Variants in ASAP2 observed in about 807,000 individuals in gnomAD.
ASAP2 encodes ArfGAP with SH3 domain, ankyrin repeat and PH domain 2.
ASAP2 carries 45 observed loss-of-function variants against 131.4 expected under a neutral mutation model. The ratio of observed to expected loss-of-function variants is 0.34; its 90% CI spans 0.27 to 0.44. The LOEUF (loss-of-function observed/expected upper bound fraction) is 0.44. Ranked by LOEUF, ASAP2 falls within the 20% of genes least tolerant of loss-of-function variation. The pLI, the probability that ASAP2 is intolerant of heterozygous loss-of-function variation, is 1.00. For missense variants in ASAP2, 1,011 were observed against 1,297.0 expected (o/e 0.78, Z 3.39); for synonymous variants, 510 against 503.0 (o/e 1.01, Z -0.19).
chr2:9,274,781 A>G (rs1666640560), intron 1 of ASAP2, among the ~76,000 whole-genome samples: 1 of 152,140 alleles, frequency 6.6e-6, no homozygotes, highest in Non-Finnish European at 1.5e-5. Flanking sequence ...TCTTCCACCT[A>G]CCTCACCTTT....
intron 1 of ASAP2, among the ~76,000 whole-genome samples, chr2:9,212,554 G>A (rs1422030825): frequency 6.6e-6 from 1 of 152,130 alleles, no homozygotes; most frequent in Non-Finnish European, 1.5e-5. Context: ...ACAGTCACCT[G>A]GTCTCTAGAG....
At position 9,376,922 on chromosome 2, in the gene ASAP2, G is replaced by T; in HGVS notation, c.1761G>T (p.Thr587=). Residue 587 remains threonine (T), a synonymous_variant, in exon 18 of 28, where the codon ACG becomes ACT. Coordinates refer to ENST00000281419, the MANE Select transcript of ASAP2 (RefSeq NM_003887.3). The part of the protein sequence containing the change: ...PLANGHEPDE[T]ALHLAVRSVD... The stretch of plus-strand genomic sequence containing the variant: ...TGGTTTTTCAGGAGCCGGATGAAAC[G>T]GCCCTCCACCTTGCAGTCAGATCCG... 1 of 1,614,100 alleles carries T rather than the reference G, an allele frequency of 6.2e-7. No homozygotes were observed. The highest frequency in any genetic ancestry group is 1.1e-5 in the South Asian group (1 of 91,072).
intron 3 of ASAP2, among the ~76,000 whole-genome samples, chr2:9,307,260 T>G (rs1000935422): frequency 1.6e-4 from 24 of 152,118 alleles, no homozygotes; most frequent in Non-Finnish European, 1.0e-4. Context: ...CTGTTCCTAG[T>G]CACGCTGGCC....
At chr2:9,252,922 A>AG (rs928927024) in intron 1 of ASAP2, among the ~76,000 whole-genome samples, 1 of 151,644 alleles carries the variant, frequency 6.6e-6, no homozygotes, top group African/African-American at 2.4e-5. Context: ...CTCAAAAAAA[A>AG]AAAAAAAAAG....
chr2:9,354,163 G>A (rs1430200674), intron 12 of ASAP2, among the ~76,000 whole-genome samples: 1 of 152,200 alleles, frequency 6.6e-6, no homozygotes, highest in African/African-American at 2.4e-5. Context: ...AGGAACAGTA[G>A]AATTGTGAGG....
intron 1 of ASAP2, among the ~76,000 whole-genome samples, chr2:9,250,343 A>C (rs1232980376): frequency 1.3e-5 from 2 of 152,154 alleles, no homozygotes; most frequent in Non-Finnish European, 2.9e-5. Context: ...GAGGGGAAAG[A>C]ACACGACATG....
chr2:9,324,836 A>G (rs1670378694), intron 6 of ASAP2, among the ~76,000 whole-genome samples: 1 of 152,174 alleles, frequency 6.6e-6, no homozygotes, highest in Admixed American at 6.5e-5. Flanking sequence ...TATAGATAAT[A>G]TATATAGCTG....
At chr2:9,384,124 G>A (rs1380745473) in intron 20 of ASAP2, among the ~76,000 whole-genome samples, 1 of 152,150 alleles carries the variant, frequency 6.6e-6, no homozygotes, top group Non-Finnish European at 1.5e-5. Context: ...TAACAAATCT[G>A]CACGTTGTGC....
intron 12 of ASAP2, among the ~76,000 whole-genome samples, chr2:9,352,690 T>G (rs1672436637): frequency 6.6e-6 from 1 of 152,218 alleles, no homozygotes; most frequent in South Asian, 2.1e-4. Flanking sequence ...CGTGTGGGAA[T>G]GCAGTCCTCT....
chr2:9,293,740 C>T (rs1035880606), intron 2 of ASAP2, among the ~76,000 whole-genome samples: 1 of 152,084 alleles, frequency 6.6e-6, no homozygotes, highest in Non-Finnish European at 1.5e-5. Context: ...TTATGGGCTT[C>T]AGCAGGAAGC....
intron 18 of ASAP2, among the ~76,000 whole-genome samples, chr2:9,377,277 A>G (rs753971424): frequency 5.8e-4 from 88 of 152,224 alleles, no homozygotes; most frequent in Non-Finnish European, 1.5e-4. Context: ...GGACCCCATG[A>G]CCACCCTCTG....
intron 1 of ASAP2, among the ~76,000 whole-genome samples, chr2:9,239,516 C>G (rs13015804): frequency 0.54 from 82,447 of 151,846 alleles, 23,548 homozygotes; most frequent in African/African-American, 0.73. Flanking sequence ...GAACTCATTA[C>G]TTCTTATAAC....
chr2:9,367,081 AGTCCAGTGGT>A (rs1477309920), intron 15 of ASAP2, among the ~76,000 whole-genome samples: 4 of 141,446 alleles, frequency 2.8e-5, no homozygotes, highest in African/African-American at 1.1e-4. Context: ...CCCAGGCTGG[AGTCCAGTGGT>A]GTGATCTCGG....
Position 9,374,609 on chromosome 2 carries a change from G to A in ASAP2, c.1557-146G>A, listed in dbSNP as rs756525801. On this transcript the variant is annotated intron_variant, in intron 16 of 27. Transcript: ENST00000281419. ...ACCAGTGCAGCCGTAGAACCACATGGCGGCCACTCCCGCTTTGTGTTTCGG... is the reference window on the plus strand; with the variant it reads ...ACCAGTGCAGCCGTAGAACCACATGACGGCCACTCCCGCTTTGTGTTTCGG... 189 of 710,522 alleles carry A rather than the reference G, an allele frequency of 2.7e-4. 1 individual carries two copies. The highest frequency in any genetic ancestry group is 3.3e-4 in the Non-Finnish European group (147 of 444,310). 44.0% of individuals were successfully genotyped at this position (710,522 alleles called of 1,614,324 possible).
At chr2:9,393,162 C>T (rs1572627469) in intron 23 of ASAP2, among the ~76,000 whole-genome samples, 1 of 152,208 alleles carries the variant, frequency 6.6e-6, no homozygotes, top group African/African-American at 2.4e-5. Context: ...CGGCCTCCTG[C>T]TGTTGGGTCT....
chr2:9,207,077 T>C lies in ASAP2; in HGVS notation c.-28T>C, dbSNP rs1161430157. 1 of 1,532,400 alleles carries C rather than the reference T, an allele frequency of 6.5e-7. No homozygotes were observed. The highest frequency in any genetic ancestry group is 1.2e-5 in the South Asian group (1 of 84,372). The allele number at this position is 1,532,400 out of a possible 1,614,324, so 94.9% of individuals were successfully genotyped here. On this transcript the variant is annotated 5_prime_UTR_variant, in exon 1 of 28. Coordinates refer to ENST00000281419, the MANE Select transcript of ASAP2 (RefSeq NM_003887.3). This position sits in a 1 kb window ranked among gnomAD's most constrained non-coding sequence, Gnocchi z 4.1. ...GTTGAGGCGGCGGCGCCCCTGCGGCTGTGCGCCAGCGCCCTCGCGCCGAGG... is the reference window on the plus strand; with the variant it reads ...GTTGAGGCGGCGGCGCCCCTGCGGCCGTGCGCCAGCGCCCTCGCGCCGAGG...
chr2:9,263,226 G>C (rs1269538974), intron 1 of ASAP2, among the ~76,000 whole-genome samples: 1 of 152,170 alleles, frequency 6.6e-6, no homozygotes, highest in East Asian at 1.9e-4. Flanking sequence ...TCCTGAGCTA[G>C]TCCATTTTCT....
rs886782259 is a variant in ASAP2, at chr2:9,206,989, C to T, written c.-116C>T. On this transcript the variant is annotated 5_prime_UTR_variant, in exon 1 of 28. Coordinates refer to ENST00000281419, the MANE Select transcript of ASAP2 (RefSeq NM_003887.3). This position sits in a 1 kb window ranked among gnomAD's most constrained non-coding sequence, Gnocchi z 4.0. ...TCCCGCGCCCGGCGCTCCCCTTTGT[C>T]CGCGGGCCGGAGCGGCGGCGGCAGC... 7 of 990,158 alleles carry T rather than the reference C, an allele frequency of 7.1e-6. No homozygotes were observed. The African/African-American group carries it at 8.8e-5, about 12-fold the overall frequency. 61.3% of individuals were successfully genotyped at this position (990,158 alleles called of 1,614,324 possible).
At chr2:9,369,284 G>A (rs1673747922) in intron 16 of ASAP2, among the ~76,000 whole-genome samples, 1 of 152,182 alleles carries the variant, frequency 6.6e-6, no homozygotes, top group Non-Finnish European at 1.5e-5. Context: ...CTCCCAAAGT[G>A]CTGGGATTAC....
Sources: gnomAD v4.1 joint callset for allele counts (sites outside exome capture counted in the v4.1 genomes callset) on GRCh38, gnomAD v4.1.1 for gene constraint, Gnocchi (gnomAD v3.1) non-coding constraint, MANE v1.5 for transcripts, NCBI Gene and HGNC (gene_info 2026-07-23, HGNC 2026-07-21) for gene names.